The following SLC22A3 variants were observed in gnomAD, a reference collection of about 807,000 sequenced individuals.
SLC22A3 encodes solute carrier family 22 member 3.
SLC22A3 carries 51 observed loss-of-function variants against 59.1 expected under a neutral mutation model. The ratio of observed to expected loss-of-function variants is 0.86; its 90% CI spans 0.69 to 1.09. The LOEUF (loss-of-function observed/expected upper bound fraction) is 1.09, where lower values mean the gene tolerates loss of function less well. Among genes scored for constraint, SLC22A3 ranks in the 50% least tolerant of loss-of-function variants. The pLI is 0.00. For missense variants in SLC22A3, 711 were observed against 726.3 expected, an observed-to-expected ratio of 0.98 and a Z score of 0.24; for synonymous variants, 325 against 292.0, an observed-to-expected ratio of 1.11 and a Z score of -1.15.
rs185440335 is a variant in SLC22A3, at chr6:160,428,868, G to A, written c.976-7912G>A. ...GATAAGGAGGTTTTCAAAAATTGCC[G>A]AAGTACTACAGGTAATTTGGCAAAT... On this transcript the variant is annotated intron_variant, in intron 5 of 10. Transcript: ENST00000275300. Among the ~76,000 whole-genome samples the A allele has an allele frequency of 6.6e-5, 10 of 152,254 alleles. No individual in the cohort carries two copies. The East Asian group carries it at 7.7e-4, about 12-fold the overall frequency.
chr6:160,369,898 A>G (rs6923666), intron 1 of SLC22A3, among the ~76,000 whole-genome samples: 6,398 of 152,304 alleles, frequency 0.042, 404 homozygotes, highest in African/African-American at 0.14. Flanking sequence ...GTGCAGCTTC[A>G]GATAGGAAGG....
intron 1 of SLC22A3, among the ~76,000 whole-genome samples, chr6:160,361,889 T>C (rs1025679973): frequency 2.0e-5 from 3 of 152,194 alleles, no homozygotes; most frequent in African/African-American, 7.2e-5. Flanking sequence ...CATGAAGAAA[T>C]GTGTGTGTCT....
intron 1 of SLC22A3, among the ~76,000 whole-genome samples, chr6:160,395,571 C>G (rs557319023): frequency 1.3e-5 from 2 of 152,216 alleles, no homozygotes; most frequent in Middle Eastern, 3.4e-3. Context: ...CTGCTTAATT[C>G]CAATGAGAAA....
chr6:160,448,498 T>A (rs563900500), intron 10 of SLC22A3, among the ~76,000 whole-genome samples: 1 of 152,080 alleles, frequency 6.6e-6, no homozygotes, highest in Non-Finnish European at 1.5e-5. Flanking sequence ...TGATAGGTAA[T>A]GTCTGGATAG....
At chr6:160,443,763 C>T in intron 9 of SLC22A3, 21 bp downstream of exon 9, 1 of 1,447,072 alleles carries the variant, frequency 6.9e-7, no homozygotes, top group Non-Finnish European at 9.6e-7. Flanking sequence ...ATTTGCTATT[C>T]TTAAGAGCCT....
chr6:160,372,047 TAA>T (rs1383856275), intron 1 of SLC22A3, among the ~76,000 whole-genome samples: 1 of 152,202 alleles, frequency 6.6e-6, no homozygotes, highest in African/African-American at 2.4e-5. Flanking sequence ...TAAATTTGTT[TAA>T]GTTTGTTTAC....
chr6:160,403,229 C>G (rs1786864111), intron 2 of SLC22A3, among the ~76,000 whole-genome samples: 1 of 151,348 alleles, frequency 6.6e-6, no homozygotes, highest in South Asian at 2.1e-4. Flanking sequence ...TTGACGGATC[C>G]CATGGACATT....
At chr6:160,388,699 G>A (rs186305393) in intron 1 of SLC22A3, among the ~76,000 whole-genome samples, 291 of 152,250 alleles carry the variant, frequency 1.9e-3, no homozygotes, top group African/African-American at 6.5e-3. Flanking sequence ...TCTGAATTTA[G>A]TCATTTTTCC....
chr6:160,398,123 C>T, intron 2 of SLC22A3, 41 bp downstream of exon 2: 1 of 1,365,088 alleles, frequency 7.3e-7, no homozygotes. Context: ...CACTATAATA[C>T]CATGCATTAA....
At chr6:160,386,594 G>A (rs1786026279) in intron 1 of SLC22A3, among the ~76,000 whole-genome samples, 1 of 152,204 alleles carries the variant, frequency 6.6e-6, no homozygotes, top group Non-Finnish European at 1.5e-5. Flanking sequence ...GAGGGAAGGG[G>A]AGTGGGGCAG....
intron 2 of SLC22A3, among the ~76,000 whole-genome samples, chr6:160,403,189 A>G (rs1342511093): frequency 6.6e-6 from 1 of 151,696 alleles, no homozygotes; most frequent in Non-Finnish European, 1.5e-5. Context: ...GACATAAATT[A>G]CTAATATTAG....
chr6:160,357,004 A>T (rs1784861849), intron 1 of SLC22A3, among the ~76,000 whole-genome samples: 2 of 152,172 alleles, frequency 1.3e-5, no homozygotes, highest in African/African-American at 4.8e-5. Context: ...AAATAAATGT[A>T]ATTTAAACAA....
At chr6:160,428,108 AT>A (rs1788031590) in intron 5 of SLC22A3, among the ~76,000 whole-genome samples, 4 of 148,802 alleles carry the variant, frequency 2.7e-5, no homozygotes, top group Admixed American at 6.8e-5. Flanking sequence ...CAAACAAAAA[AT>A]AAAAATAAAA....
chr6:160,397,264 C>T (rs568850727), intron 1 of SLC22A3, among the ~76,000 whole-genome samples: 6 of 152,124 alleles, frequency 3.9e-5, no homozygotes, highest in African/African-American at 7.2e-5. Flanking sequence ...ATAGGGTTCA[C>T]GCTCCTATGA....
intron 1 of SLC22A3, among the ~76,000 whole-genome samples, chr6:160,363,261 G>A (rs552272886): frequency 6.6e-6 from 1 of 152,342 alleles, no homozygotes; most frequent in East Asian, 1.9e-4. Flanking sequence ...AGCAGAGGTC[G>A]CAGCTGGCCC....
chr6:160,362,902 G>A (rs1785067463), intron 1 of SLC22A3, among the ~76,000 whole-genome samples: 3 of 152,238 alleles, frequency 2.0e-5, no homozygotes, highest in Admixed American at 2.0e-4. Context: ...AGCCAGGAGG[G>A]TGCACGAGAA....
At chr6:160,402,696 C>G (rs904874715) in intron 2 of SLC22A3, among the ~76,000 whole-genome samples, 1 of 151,708 alleles carries the variant, frequency 6.6e-6, no homozygotes, top group African/African-American at 2.4e-5. Flanking sequence ...TATACAATCT[C>G]TGCTCCCAGA....
intron 9 of SLC22A3, among the ~76,000 whole-genome samples, chr6:160,444,375 A>T (rs888296634): frequency 2.0e-5 from 3 of 152,142 alleles, no homozygotes; most frequent in African/African-American, 7.2e-5. Context: ...ATAATAAAAA[A>T]TAACAAAAAT....
At chr6:160,375,790 C>T (rs1785567421) in intron 1 of SLC22A3, among the ~76,000 whole-genome samples, 1 of 151,930 alleles carries the variant, frequency 6.6e-6, no homozygotes, top group East Asian at 1.9e-4. Context: ...CATATTTCAG[C>T]AATTTGAAAA....
Sources: allele counts gnomAD v4.1 joint callset (sites outside exome capture counted in the v4.1 genomes callset), GRCh38; gene constraint gnomAD v4.1.1; transcripts MANE v1.5; gene names NCBI Gene and HGNC (gene_info 2026-07-23, HGNC 2026-07-21).